The following PCBP3 variants were observed in gnomAD, a reference collection of about 807,000 sequenced individuals.
PCBP3 encodes poly(rC)-binding protein 3.
A neutral mutation model predicts 52.7 loss-of-function variants in PCBP3; 25 were observed. The ratio of observed to expected loss-of-function variants is 0.47; its 90% CI spans 0.35 to 0.66. The LOEUF (loss-of-function observed/expected upper bound fraction) is 0.66, where lower values mean the gene tolerates loss of function less well. Among genes scored for constraint, PCBP3 ranks in the 30% least tolerant of loss-of-function variants. The pLI, the probability that PCBP3 is intolerant of heterozygous loss-of-function variation, is 0.01. For missense variants in PCBP3, 391 were observed against 490.3 expected (o/e 0.80, Z 1.91); for synonymous variants, 162 against 183.0 (o/e 0.89, Z 0.93).
intron 4 of PCBP3, among the ~76,000 whole-genome samples, chr21:45,755,845 A>G (rs1302191887): frequency 1.3e-5 from 2 of 152,164 alleles, no homozygotes; most frequent in Non-Finnish European, 2.9e-5. Flanking sequence ...TTTATCAGAT[A>G]TGTATTTTTC....
At chr21:45,801,162 T>C (rs2092287424) in intron 4 of PCBP3, among the ~76,000 whole-genome samples, 1 of 152,246 alleles carries the variant, frequency 6.6e-6, no homozygotes, top group Non-Finnish European at 1.5e-5. Context: ...CACTGCGTCC[T>C]GTGGGAGAAG....
chr21:45,821,479 C>T lies in PCBP3; in HGVS notation c.-125-28482C>T, dbSNP rs937151980. ...CCCAACTCTTTTCTAGAACACTCTT[C>T]CCCCTGCACCACGCTGTGGGCCCTG... On this transcript the variant is annotated intron_variant, in intron 4 of 17. Transcript: ENST00000681687. This position sits in a 1 kb window ranked among gnomAD's most constrained non-coding sequence, Gnocchi z 4.4. 4.0e-5 allele frequency among the ~76,000 whole-genome samples: 6 copies of T among 150,244 alleles called. No individual in the cohort carries two copies. The highest frequency in any genetic ancestry group is 1.5e-4 in the African/African-American group (6 of 40,762).
At chr21:45,824,555 C>T (rs1192482839) in intron 4 of PCBP3, among the ~76,000 whole-genome samples, 1 of 152,260 alleles carries the variant, frequency 6.6e-6, no homozygotes, top group Non-Finnish European at 1.5e-5. Context: ...CCTGTGTTCA[C>T]AGTAAATCTC....
At chr21:45,933,035 A>C (rs1182713360) in intron 15 of PCBP3, among the ~76,000 whole-genome samples, 2 of 147,044 alleles carry the variant, frequency 1.4e-5, no homozygotes, top group South Asian at 4.4e-4. Context: ...GAATGAACAC[A>C]TCAGCCATGC....
rs940014084 is a variant in PCBP3, at chr21:45,928,367, G to T, written c.718-1550G>T. 6.6e-6 allele frequency among the ~76,000 whole-genome samples: 1 copy of T among 152,114 alleles called. No individual in the cohort carries two copies. The highest frequency in any genetic ancestry group is 6.5e-5 in the Admixed American group (1 of 15,282). ...CCCAGACCTGGCTGCAAGGCCAGGG[G>T]TTGGGGAGGGGCAGGGCTGGGGAGC... On this transcript the variant is annotated intron_variant, in intron 13 of 17. Coordinates refer to ENST00000681687, the MANE Select transcript of PCBP3 (RefSeq NM_001384156.1). This position sits in a 1 kb window ranked among gnomAD's most constrained non-coding sequence, Gnocchi z 4.1.
rs549718714 is a variant in PCBP3 at position 45,800,303 on chromosome 21, C to T, written c.-126+44851C>T. ...GCAGGTCCAGGTCAGGGCTACCCCT[C>T]GCACAGCCCAGCAGGATGTGGGAGC... On this transcript the variant is annotated intron_variant, in intron 4 of 17. Transcript: ENST00000681687. The surrounding 1 kb of genome is among the most constrained non-coding windows in gnomAD (Gnocchi z 5.3). Among the ~76,000 whole-genome samples the T allele has an allele frequency of 7.4e-4, 113 of 152,280 alleles. No homozygotes were observed. Among genetic ancestry groups the T allele is most frequent in the African/African-American group, 2.6e-3 (107 of 41,558 alleles).
intron 4 of PCBP3, among the ~76,000 whole-genome samples, chr21:45,797,690 A>ATG: frequency 6.7e-6 from 1 of 150,122 alleles, no homozygotes; most frequent in Non-Finnish European, 1.5e-5. Context: ...GCATAGATGG[A>ATG]CGAGTGCATG....
rs186079498 is a variant in PCBP3, at chr21:45,880,099, T to C, written c.11-16109T>C. ...TGTGTGGCGTGAGAGTCCATCCTGGTTTCGTGGCATTTTTCTCTGCATCCT... is the reference window on the plus strand; with the variant it reads ...TGTGTGGCGTGAGAGTCCATCCTGGCTTCGTGGCATTTTTCTCTGCATCCT... On this transcript the variant is annotated intron_variant, in intron 5 of 17. Coordinates refer to ENST00000681687, the MANE Select transcript of PCBP3 (RefSeq NM_001384156.1). The surrounding 1 kb of genome is among the most constrained non-coding windows in gnomAD (Gnocchi z 5.4). Among the ~76,000 whole-genome samples the C allele has an allele frequency of 2.9e-3, 442 of 152,294 alleles. 4 individuals carry two copies. Among genetic ancestry groups the C allele is most frequent in the African/African-American group, 9.8e-3 (406 of 41,560 alleles).
At chr21:45,903,558 G>T (rs1603482949) in intron 9 of PCBP3, among the ~76,000 whole-genome samples, 1 of 152,248 alleles carries the variant, frequency 6.6e-6, no homozygotes, top group East Asian at 1.9e-4. Context: ...GAGGGCAGTG[G>T]TTACTGTTTG....
intron 5 of PCBP3, among the ~76,000 whole-genome samples, chr21:45,882,947 A>G (rs2095436454): frequency 6.6e-6 from 1 of 152,030 alleles, no homozygotes; most frequent in Non-Finnish European, 1.5e-5. Flanking sequence ...ACTTGGATTT[A>G]TTTTGTTCTT....
intron 4 of PCBP3, among the ~76,000 whole-genome samples, chr21:45,767,574 G>A (rs1424573681): frequency 1.3e-5 from 2 of 152,218 alleles, no homozygotes; most frequent in Non-Finnish European, 2.9e-5. Flanking sequence ...GAGACTCTGT[G>A]TTAACTGACT....
intron 1 of PCBP3, among the ~76,000 whole-genome samples, chr21:45,644,108 G>C (rs1569067154): frequency 1.3e-5 from 2 of 150,688 alleles, no homozygotes; most frequent in African/African-American, 4.9e-5. Flanking sequence ...GGCCTGGCCC[G>C]CCCGCCTCCG....
intron 4 of PCBP3, among the ~76,000 whole-genome samples, chr21:45,782,214 A>G (rs2090690746): frequency 6.6e-6 from 1 of 152,242 alleles, no homozygotes; most frequent in Non-Finnish European, 1.5e-5. Flanking sequence ...AACGTGAGAA[A>G]TAGACCCAGA....
intron 5 of PCBP3, among the ~76,000 whole-genome samples, chr21:45,894,357 G>A (rs2095765147): frequency 6.6e-6 from 1 of 152,150 alleles, no homozygotes; most frequent in Non-Finnish European, 1.5e-5. Context: ...CCCTCTGATG[G>A]GGAGGAGAGT....
At chr21:45,938,952 C>G (rs1273779759) in intron 16 of PCBP3, among the ~76,000 whole-genome samples, 1 of 152,242 alleles carries the variant, frequency 6.6e-6, no homozygotes, top group Non-Finnish European at 1.5e-5. Flanking sequence ...GTGGACGTCC[C>G]TCCTGCATGC....
chr21:45,787,533 A>G (rs1321732077), intron 4 of PCBP3, among the ~76,000 whole-genome samples: 1 of 152,112 alleles, frequency 6.6e-6, no homozygotes, highest in Admixed American at 6.6e-5. Context: ...CTGGGATTAC[A>G]GGTGTAAGCC....
At chr21:45,856,287 A>C (rs1167009408) in intron 5 of PCBP3, among the ~76,000 whole-genome samples, 2 of 152,240 alleles carry the variant, frequency 1.3e-5, no homozygotes, top group African/African-American at 4.8e-5. Flanking sequence ...CTTGGTCTCC[A>C]CAGCCCCTTC....
chr21:45,697,329 A>C (rs565510595), intron 2 of PCBP3, among the ~76,000 whole-genome samples: 1 of 152,322 alleles, frequency 6.6e-6, no homozygotes, highest in African/African-American at 2.4e-5. Flanking sequence ...ATAAAAAATT[A>C]CTCTAAATAC....
intron 2 of PCBP3, among the ~76,000 whole-genome samples, chr21:45,722,671 G>A (rs2084738533): frequency 6.6e-6 from 1 of 151,956 alleles, no homozygotes; most frequent in South Asian, 2.1e-4. Context: ...CACTTTCTTA[G>A]CAAAAATGTG....
Sources: gnomAD v4.1 joint callset for allele counts (sites outside exome capture counted in the v4.1 genomes callset) on GRCh38, gnomAD v4.1.1 for gene constraint, Gnocchi (gnomAD v3.1) non-coding constraint, MANE v1.5 for transcripts, NCBI Gene and HGNC (gene_info 2026-07-23, HGNC 2026-07-21) for gene names.